Variants in KHK observed in about 807,000 individuals in gnomAD.
The protein encoded by KHK is fructokinase.
Under a neutral mutation model 36.0 loss-of-function variants are expected in KHK, and 37 were observed. The observed-to-expected ratio is 1.03, with a 90% CI of 0.79 to 1.35. The LOEUF is 1.35. Ranked by LOEUF, KHK falls within the 40% of genes most tolerant of loss-of-function variation. KHK has a pLI of 0.00. For missense variants in KHK, 395 were observed against 391.9 expected (o/e 1.01, Z -0.07); for synonymous variants, 161 against 162.8 (o/e 0.99, Z 0.08).
rs1035698566 is a variant in KHK at position 27,087,034 on chromosome 2, T to A, written c.-226T>A. The A allele has an allele frequency of 8.5e-6, 4 of 472,500 alleles. No individual in the cohort carries two copies. The highest frequency in any genetic ancestry group is 7.8e-5 in the African/African-American group (4 of 51,150). The allele number at this position is 472,500 out of a possible 1,614,324, so 29.3% of individuals were successfully genotyped here. ...AAGACCGGGGACCAAGACCTCTGGG[T>A]TGGCTTTCCTAGACCCGCTCGGGTC... is the stretch of plus-strand genomic sequence containing the variant. On this transcript the variant is annotated 5_prime_UTR_variant, in exon 1 of 8. In the 5' UTR this introduces an upstream ATG that the reference lacks. Coordinates refer to ENST00000260598, the MANE Select transcript of KHK (RefSeq NM_006488.3).
Position 27,099,447 on chromosome 2 carries a change from G to A in KHK, c.681G>A (p.Glu227=). Reference sequence around the variant, plus strand: ...CTGTGCTTGTCTGTGCCTGGGCTGAGGAGGGCGCCGACGCCCTGGGCCCTG... The same window carrying A: ...CTGTGCTTGTCTGTGCCTGGGCTGAAGAGGGCGCCGACGCCCTGGGCCCTG... The part of the protein sequence containing the change: ...KGAVLVCAWA[E]EGADALGPDG... Residue 227 remains glutamate, a synonymous_variant, in exon 7 of 8, where the codon GAG becomes GAA. Transcript: ENST00000260598. 6.2e-7 allele frequency: 1 copy of A among 1,613,718 alleles called. No individual in the cohort carries two copies. The highest frequency in any genetic ancestry group is 8.5e-7 in the Non-Finnish European group (1 of 1,179,670).
At chr2:27,087,690 G>GC (rs1669742364) in intron 1 of KHK, among the ~76,000 whole-genome samples, 1 of 152,250 alleles carries the variant, frequency 6.6e-6, no homozygotes. Flanking sequence ...GGGGCACACA[G>GC]CTACCTGCTT....
chr2:27,090,243 T>A (rs751479275), intron 1 of KHK, among the ~76,000 whole-genome samples: 27 of 152,364 alleles, frequency 1.8e-4, no homozygotes, highest in Middle Eastern at 3.4e-3. Context: ...GAAACCTCAA[T>A]GCTTGGGCCT....
chr2:27,099,165 T>G (rs896520970), intron 5 of KHK, 31 bp from the exon 6 acceptor site: 2 of 1,607,492 alleles, frequency 1.2e-6, no homozygotes, highest in Non-Finnish European at 1.7e-6. Flanking sequence ...GAGTTAGAAG[T>G]GACCACCAGC....
chr2:27,097,421 CAG>C (rs2148361073), intron 4 of KHK, 80 bp from the exon 5 acceptor site: 2 of 1,590,500 alleles, frequency 1.3e-6, no homozygotes, highest in African/African-American at 1.3e-5. Context: ...CCTCCTCACC[CAG>C]AGTTTCAGCG....
Position 27,092,402 on chromosome 2 carries a change from G to GC in KHK, c.168dup (p.Cys57LeufsTer14), listed in dbSNP as rs775335498. The GC allele has an allele frequency of 6.2e-7, 1 of 1,613,554 alleles. No homozygotes were observed. The highest frequency in any genetic ancestry group is 1.1e-5 in the South Asian group (1 of 91,080). ...CTGCACCGTTCTCTCCCTGCTCGGA[G>GC]CCCCCTGTGCCTTCATGGGCTCAAT... On this transcript the variant is annotated frameshift_variant, in exon 2 of 8. Coordinates refer to ENST00000260598, the MANE Select transcript of KHK (RefSeq NM_006488.3). LOFTEE classifies it high-confidence loss of function.
Position 27,092,462 on chromosome 2 carries a change from G to A in KHK, c.209+14G>A, listed in dbSNP as rs1267377277. Reference sequence around the variant, plus strand: ...CCATGTTGCTGAGTAAGTCCAGGAGGGAGAGCCCACTGGGGAAGGCCTGCC... The same window carrying A: ...CCATGTTGCTGAGTAAGTCCAGGAGAGAGAGCCCACTGGGGAAGGCCTGCC... On this transcript the variant is annotated intron_variant, in intron 2 of 7. Coordinates refer to ENST00000260598, the MANE Select transcript of KHK (RefSeq NM_006488.3). 1 of 1,591,722 alleles carries A rather than the reference G, an allele frequency of 6.3e-7. No individual in the cohort carries two copies.
At chr2:27,088,086 TC>T (rs1397445158) in intron 1 of KHK, 1 of 149,334 alleles carries the variant, frequency 6.7e-6, no homozygotes, top group African/African-American at 2.5e-5. Flanking sequence ...AACTGAAGAG[TC>T]AGTTGTTGGT....
At chr2:27,099,633 C>A in intron 7 of KHK, 32 bp from the exon 8 acceptor site, 1 of 1,614,162 alleles carries the variant, frequency 6.2e-7, no homozygotes, top group Non-Finnish European at 8.5e-7. Flanking sequence ...CCCCAAACAC[C>A]TGGCTGACCT....
At position 27,099,498 on chromosome 2, in the gene KHK, T is replaced by C. The variant is rs1471216786; in HGVS notation, c.732T>C (p.Ala244=). 6.2e-7 allele frequency: 1 copy of C among 1,614,116 alleles called. No individual in the cohort carries two copies. The highest frequency in any genetic ancestry group is 1.3e-5 in the African/African-American group (1 of 75,020). The change falls in exon 7 of 8, where the codon GCT becomes GCC. Residue 244 remains alanine, a synonymous_variant. Coordinates refer to ENST00000260598, the MANE Select transcript of KHK (RefSeq NM_006488.3). ...ATGGCAAATTGCTCCACTCGGATGC[T>C]TTCCCGCCACCCCGCGTGGTGGATA... ...GPDGKLLHSD[A]FPPPRVVDTL...
At chr2:27,092,761 CCTTAT>C (rs1229458713) in intron 2 of KHK, among the ~76,000 whole-genome samples, 2 of 152,176 alleles carry the variant, frequency 1.3e-5, no homozygotes, top group Non-Finnish European at 2.9e-5. Flanking sequence ...TGTGCCTTTG[CCTTAT>C]CTTAAGTCCC....
At chr2:27,087,833 A>C (rs1252803810) in intron 1 of KHK, 1 of 153,424 alleles carries the variant, frequency 6.5e-6, no homozygotes, top group African/African-American at 2.4e-5. Context: ...AAGTATGTAC[A>C]GTTAAACTGT....
rs1207531992 is a variant in KHK at position 27,092,353 on chromosome 2, G to C, written c.114G>C (p.Gln38His). 1.2e-6 allele frequency: 2 copies of C among 1,613,224 alleles called. No individual in the cohort carries two copies. The highest frequency in any genetic ancestry group is 3.3e-5 in the Admixed American group (2 of 60,026). The change falls in exon 2 of 8, where the codon CAG becomes CAC. Residue 38 changes from glutamine to histidine, a missense_variant. Gln to His is a conservative substitution (Grantham distance 24). Transcript: ENST00000260598. ...SEIRCLSQRWQRGGNASNSCT... is the reference protein window; with the variant it reads ...SEIRCLSQRWHRGGNASNSCT... The stretch of plus-strand genomic sequence containing the variant: ...GCAGGTGTTTGTCCCAGAGATGGCA[G>C]CGCGGAGGCAACGCGTCCAACTCCT...
chr2:27,100,520 C>T lies in KHK; in HGVS notation c.*770C>T. 1 of 1,290,888 alleles carries T rather than the reference C, an allele frequency of 7.7e-7. No homozygotes were observed. The highest frequency in any genetic ancestry group is 1.0e-6 in the Non-Finnish European group (1 of 988,756). 80.0% of individuals were successfully genotyped at this position (1,290,888 alleles called of 1,614,324 possible). On this transcript the variant is annotated 3_prime_UTR_variant, in exon 8 of 8. Coordinates refer to ENST00000260598, the MANE Select transcript of KHK (RefSeq NM_006488.3). ...GAACACATATTGGAATTGGGGCCAACTCCAATATAGGGTGGGTAAGGCCTT... is the reference window on the plus strand; with the variant it reads ...GAACACATATTGGAATTGGGGCCAATTCCAATATAGGGTGGGTAAGGCCTT...
chr2:27,094,049 G>C (rs1404715477), intron 2 of KHK: 1 of 329,444 alleles, frequency 3.0e-6, no homozygotes, highest in East Asian at 7.8e-5. Context: ...AGGACAGCTG[G>C]GGGCAAAGTA....
chr2:27,098,613 G>A (rs1010911585), intron 5 of KHK, among the ~76,000 whole-genome samples: 6 of 152,086 alleles, frequency 3.9e-5, no homozygotes, highest in African/African-American at 4.8e-5. Context: ...CCAAGGCTTC[G>A]GTGTTTTGTT....
chr2:27,098,629 T>C (rs1294573828), intron 5 of KHK, among the ~76,000 whole-genome samples: 1 of 152,120 alleles, frequency 6.6e-6, no homozygotes, highest in Admixed American at 6.5e-5. Context: ...TTGTTTTTTG[T>C]TTTTACCAAA....
intron 3 of KHK, 92 bp downstream of exon 3, chr2:27,095,026 C>T: frequency 7.0e-7 from 1 of 1,422,722 alleles, no homozygotes; most frequent in Non-Finnish European, 9.9e-7. Context: ...CCAACTGCCC[C>T]CCTCTGTGGC....
At chr2:27,095,000 C>G (rs901413994) in intron 3 of KHK, 66 bp downstream of exon 3, 1 of 1,585,240 alleles carries the variant, frequency 6.3e-7, no homozygotes, top group African/African-American at 1.3e-5. Context: ...TTCCCTCACT[C>G]GCCACCATGG....
Sources: allele counts gnomAD v4.1 joint callset (sites outside exome capture counted in the v4.1 genomes callset), GRCh38; gene constraint gnomAD v4.1.1; transcripts MANE v1.5; gene names NCBI Gene and HGNC (gene_info 2026-07-23, HGNC 2026-07-21).